The following SYT1 variants were observed in gnomAD, a reference collection of about 807,000 sequenced individuals.
The protein encoded by SYT1 is synaptotagmin 1, also known as synaptotagmin-1.
Under a neutral mutation model 44.8 loss-of-function variants are expected in SYT1, and 8 were observed. That is an observed-to-expected ratio of 0.18 (90% CI 0.10 to 0.32). The LOEUF (loss-of-function observed/expected upper bound fraction) is 0.32, where lower values mean the gene tolerates loss of function less well. Among genes scored for constraint, SYT1 ranks in the 10% least tolerant of loss-of-function variants. The probability of loss-of-function intolerance (pLI) is 1.00; values close to 1 mark genes in which losing one functional copy is unlikely to be tolerated. For synonymous variants in SYT1, 154 were observed against 188.8 expected (o/e 0.82, Z 1.51); for missense variants, 286 against 509.3 (o/e 0.56, Z 4.22).
At position 79,201,699 on chromosome 12, in the gene SYT1, T is replaced by A. The variant is rs188082839; in HGVS notation, c.-17-15804T>A. Among the ~76,000 whole-genome samples, 28 of 152,318 alleles carry A rather than the reference T, an allele frequency of 1.8e-4. No homozygotes were observed. The East Asian group carries it at 3.3e-3, about 18-fold the overall frequency. On this transcript the variant is annotated intron_variant, in intron 3 of 10. Transcript: ENST00000261205. ...TGATGAAATAAACTTGGAGTCCTAG[T>A]CATCAACAATCTTGAGCTACACAAT...
rs536919944 is a variant in SYT1 at position 78,997,368 on chromosome 12, T to C, written c.-84+19437T>C. ...AAAATAAAGAAAGGTCACCAAAATA[T>C]AGGGAAACTTATGTATCATGTTATT... On this transcript the variant is annotated intron_variant, in intron 2 of 10. Transcript: ENST00000261205. Among the ~76,000 whole-genome samples the C allele has an allele frequency of 3.9e-5, 6 of 152,330 alleles. No homozygotes were observed. The South Asian group carries it at 8.3e-4, about 21-fold the overall frequency.
chr12:79,292,992 G>A (rs1453589816), intron 6 of SYT1, among the ~76,000 whole-genome samples: 1 of 151,974 alleles, frequency 6.6e-6, no homozygotes, highest in Non-Finnish European at 1.5e-5. Context: ...AGGGGAACAG[G>A]CTAAGTTAGA....
chr12:79,053,813 G>A (rs1314343402), intron 3 of SYT1, among the ~76,000 whole-genome samples: 1 of 151,674 alleles, frequency 6.6e-6, no homozygotes, highest in Non-Finnish European at 1.5e-5. Context: ...TTTTATGAAG[G>A]CATGTTTCTG....
At chr12:79,010,850 A>C (rs1481898129) in intron 2 of SYT1, among the ~76,000 whole-genome samples, 1 of 152,166 alleles carries the variant, frequency 6.6e-6, no homozygotes, top group African/African-American at 2.4e-5. Context: ...AGATCCTCTA[A>C]TTGTACCCTT....
At chr12:78,902,148 G>T (rs913254003) in intron 1 of SYT1, among the ~76,000 whole-genome samples, 1 of 151,690 alleles carries the variant, frequency 6.6e-6, no homozygotes, top group Non-Finnish European at 1.5e-5. Flanking sequence ...TAACAAACCT[G>T]CACGTTCTGC....
chr12:79,134,886 T>C (rs1869081898), intron 3 of SYT1, among the ~76,000 whole-genome samples: 1 of 152,006 alleles, frequency 6.6e-6, no homozygotes, highest in South Asian at 2.1e-4. Context: ...ATAAGATGAA[T>C]AAGTTCTGGG....
intron 3 of SYT1, among the ~76,000 whole-genome samples, chr12:79,178,108 A>G (rs1156391510): frequency 6.6e-6 from 1 of 152,062 alleles, no homozygotes; most frequent in African/African-American, 2.4e-5. Context: ...GCATATTTCT[A>G]TTCTTATCAT....
intron 2 of SYT1, among the ~76,000 whole-genome samples, chr12:79,023,613 T>C (rs1327857186): frequency 4.6e-5 from 7 of 151,906 alleles, no homozygotes. Context: ...TAGTAACTTT[T>C]TATTTTTTAT....
intron 3 of SYT1, among the ~76,000 whole-genome samples, chr12:79,170,967 GT>G (rs1382636082): frequency 6.6e-6 from 1 of 152,018 alleles, no homozygotes; most frequent in African/African-American, 2.4e-5. Flanking sequence ...CCCATTGCTT[GT>G]TTTTGTCAGG....
rs181233242 is a variant in SYT1, at chr12:79,008,460, C to T, written c.-84+30529C>T. On this transcript the variant is annotated intron_variant, in intron 2 of 10. Coordinates refer to ENST00000261205, the MANE Select transcript of SYT1 (RefSeq NM_005639.3). The stretch of plus-strand genomic sequence containing the variant: ...TTTTCAGCAGATAAATACTATGATC[C>T]CAGATATATTCAAGAAATTTACTCT... Among the ~76,000 whole-genome samples, 315 of 152,050 alleles carry T rather than the reference C, an allele frequency of 2.1e-3. 1 individual carries two copies. The highest frequency in any genetic ancestry group is 7.2e-3 in the African/African-American group (298 of 41,466).
At chr12:79,415,371 G>A (rs1389506008) in intron 9 of SYT1, among the ~76,000 whole-genome samples, 2 of 152,084 alleles carry the variant, frequency 1.3e-5, no homozygotes, top group Non-Finnish European at 2.9e-5. Flanking sequence ...GGTATAAAAG[G>A]GACTCCACCA....
chr12:79,159,763 G>A (rs552263288), intron 3 of SYT1, among the ~76,000 whole-genome samples: 5 of 152,034 alleles, frequency 3.3e-5, no homozygotes, highest in Non-Finnish European at 5.9e-5. Context: ...AGGCACCATC[G>A]ACTGTAGAGC....
chr12:78,908,284 C>G (rs573614115), intron 1 of SYT1, among the ~76,000 whole-genome samples: 5 of 151,868 alleles, frequency 3.3e-5, no homozygotes, highest in Non-Finnish European at 7.4e-5. Context: ...ATGGAATTTC[C>G]CATTTCTAAG....
At chr12:79,391,592 TA>T (rs1254404572) in intron 9 of SYT1, among the ~76,000 whole-genome samples, 3 of 152,342 alleles carry the variant, frequency 2.0e-5, no homozygotes, top group South Asian at 2.1e-4. Context: ...GGCCCATTTT[TA>T]TTATTTTCTG....
At chr12:79,274,203 G>A (rs148440935) in intron 4 of SYT1, among the ~76,000 whole-genome samples, 6 of 152,362 alleles carry the variant, frequency 3.9e-5, no homozygotes, top group African/African-American at 1.2e-4. Context: ...CTTGCCACAG[G>A]TGCGGGAGCT....
intron 8 of SYT1, among the ~76,000 whole-genome samples, chr12:79,352,058 A>T (rs1373219043): frequency 6.6e-6 from 1 of 152,108 alleles, no homozygotes; most frequent in Non-Finnish European, 1.5e-5. Context: ...ATATTTGGTG[A>T]TGTTTCCAGC....
At chr12:78,893,439 G>T (rs1274423681) in intron 1 of SYT1, among the ~76,000 whole-genome samples, 1 of 151,600 alleles carries the variant, frequency 6.6e-6, no homozygotes, top group East Asian at 1.9e-4. Context: ...AACTCACCTA[G>T]CAACATTCTT....
intron 8 of SYT1, among the ~76,000 whole-genome samples, chr12:79,327,274 A>G (rs1881648816): frequency 6.6e-6 from 1 of 152,188 alleles, no homozygotes; most frequent in Non-Finnish European, 1.5e-5. Context: ...GAAGAGCACT[A>G]TATTCAGAGC....
At chr12:79,049,152 G>A (rs112271848) in intron 3 of SYT1, among the ~76,000 whole-genome samples, 5 of 151,864 alleles carry the variant, frequency 3.3e-5, no homozygotes, top group African/African-American at 4.8e-5. Context: ...CCTTTTCTGC[G>A]CTGATTTATG....
Sources: allele counts gnomAD v4.1 joint callset (sites outside exome capture counted in the v4.1 genomes callset), GRCh38; gene constraint gnomAD v4.1.1; transcripts MANE v1.5; gene names NCBI Gene and HGNC (gene_info 2026-07-23, HGNC 2026-07-21).